FANCA: variants seen among roughly 807,000 people sequenced by gnomAD.
FANCA encodes the protein FA complementation group A, also known as Fanconi anemia group A protein.
Under a neutral mutation model 194.3 loss-of-function variants are expected in FANCA, and 236 were observed. That is an observed-to-expected ratio of 1.21 (90% CI 1.09 to 1.35). The LOEUF (loss-of-function observed/expected upper bound fraction) is 1.35. Among genes scored for constraint, FANCA ranks in the 40% most tolerant of loss-of-function variants. The pLI is 0.00. For synonymous variants in FANCA, 1,014 were observed against 715.8 expected, an observed-to-expected ratio of 1.42 and a Z score of -6.65; for missense variants, 2,628 against 1,813.9, an observed-to-expected ratio of 1.45 and a Z score of -8.15.
chr16:89,771,722 G>A lies in FANCA; in HGVS notation c.2107C>T (p.Gln703Ter), dbSNP rs1555548512. ...DDSSVEISKIQLSINTPRLEP... is the reference protein window; with the variant it reads ...DDSSVEISKI Reference sequence around the variant, plus strand: ...AGTCTCGGCGTGTTGATGCTGAGCTGAATCTTTGATATCTCAACGCTGCTG... The same window carrying A: ...AGTCTCGGCGTGTTGATGCTGAGCTAAATCTTTGATATCTCAACGCTGCTG... Residue 703 changes from glutamine (Q) to a stop codon, truncating the protein, a stop_gained, in exon 23 of 43, where the codon CAG becomes TAG. Coordinates refer to ENST00000389301, the MANE Select transcript of FANCA (RefSeq NM_000135.4). LOFTEE classifies it high-confidence loss of function. The A allele has an allele frequency of 6.2e-7, 1 of 1,614,152 alleles. No individual in the cohort carries two copies. Among genetic ancestry groups the A allele is most frequent in the East Asian group, 2.2e-5 (1 of 44,886 alleles).
At chr16:89,778,532 GCAAGA>G (rs2039591502) in intron 20 of FANCA, 2 of 419,078 alleles carry the variant, frequency 4.8e-6, no homozygotes, top group Non-Finnish European at 8.5e-6. Flanking sequence ...GGAGGCTGAA[GCAAGA>G]GAATCGCTTG....
In FANCA at chr16:89,748,648, G is replaced by C. The variant is rs367624518; in HGVS notation, c.3348+11C>G. On this transcript the variant is annotated intron_variant, in intron 33 of 42. Transcript: ENST00000389301. ...ACAGATCGGACGGACACGTGCACAC[G>C]GGGCACCTACCATCTCAGAGTTGAC... The C allele has an allele frequency of 6.2e-7, 1 of 1,605,394 alleles. No homozygotes were observed.
chr16:89,779,417 C>G (rs2039626264), intron 18 of FANCA, among the ~76,000 whole-genome samples: 1 of 152,048 alleles, frequency 6.6e-6, no homozygotes, highest in Non-Finnish European at 1.5e-5. Flanking sequence ...CTATTCAGCT[C>G]TCTGTTACTG....
chr16:89,780,072 A>C, intron 17 of FANCA, 115 bp from the exon 18 acceptor site: 4 of 946,804 alleles, frequency 4.2e-6, no homozygotes, highest in Non-Finnish European at 6.8e-6. Flanking sequence ...GTACACATTA[A>C]AGGTAAAGGC....
chr16:89,794,044 C>T (rs962012626), intron 11 of FANCA, among the ~76,000 whole-genome samples: 5 of 151,984 alleles, frequency 3.3e-5, no homozygotes, highest in Non-Finnish European at 7.4e-5. Flanking sequence ...GCCACTGCTC[C>T]TGGCCAAAAA....
chr16:89,759,160 A>G (rs1021363823), intron 29 of FANCA, among the ~76,000 whole-genome samples: 1 of 151,462 alleles, frequency 6.6e-6, no homozygotes, highest in African/African-American at 2.4e-5. Context: ...CTCTACTCAA[A>G]ATACAAAAAA....
Position 89,773,289 on chromosome 16 carries a change from C to T in FANCA, c.1996G>A (p.Asp666Asn). ...TCCTCACCATCACGCTGGCTGGGGT[C>T]TGTCATGGAGGCTCTCAGCTCTCCC... is the stretch of plus-strand genomic sequence containing the variant. ...ALGELRASMT[D>N]PSQRDVISAQ... is the part of the protein sequence containing the mutation. Residue 666 changes from aspartate to asparagine, a missense_variant, in exon 22 of 43, where the codon GAC (aspartate) becomes AAC (asparagine). Transcript: ENST00000389301. 6.4e-7 allele frequency: 1 copy of T among 1,551,176 alleles called. No individual in the cohort carries two copies. The highest frequency in any genetic ancestry group is 8.7e-7 in the Non-Finnish European group (1 of 1,146,870).
intron 35 of FANCA, among the ~76,000 whole-genome samples, 155 bp from the exon 36 acceptor site, chr16:89,745,226 A>G (rs56152375): frequency 1.7e-4 from 26 of 152,236 alleles, no homozygotes; most frequent in African/African-American, 4.1e-4. Flanking sequence ...TTTTACGTCA[A>G]TTAAGGCTCA....
At chr16:89,812,208 G>A (rs189564986) in intron 3 of FANCA, among the ~76,000 whole-genome samples, 3 of 151,782 alleles carry the variant, frequency 2.0e-5, no homozygotes, top group South Asian at 2.1e-4. Flanking sequence ...GTTTGGTGAC[G>A]GGAGCCTGTA....
chr16:89,807,756 G>T (rs1016706915), intron 6 of FANCA, among the ~76,000 whole-genome samples: 2 of 152,100 alleles, frequency 1.3e-5, no homozygotes, highest in East Asian at 1.9e-4. Flanking sequence ...GGTGGCGGAC[G>T]CCTGTAGTCC....
intron 22 of FANCA, 149 bp from the exon 23 acceptor site, chr16:89,771,963 T>A (rs1253541102): frequency 2.3e-5 from 22 of 953,134 alleles, no homozygotes; most frequent in Non-Finnish European, 6.5e-6. Flanking sequence ...ACACCAGTGT[T>A]TGTTCGCCCC....
chr16:89,777,080 C>G (rs376291372), intron 20 of FANCA, among the ~76,000 whole-genome samples: 1 of 151,954 alleles, frequency 6.6e-6, no homozygotes, highest in African/African-American at 2.4e-5. Context: ...TGTGGTGGAG[C>G]GCGCCTCTAG....
chr16:89,815,218 G>C (rs2041057576), intron 2 of FANCA, among the ~76,000 whole-genome samples: 1 of 151,288 alleles, frequency 6.6e-6, no homozygotes, highest in Admixed American at 6.6e-5. Context: ...TGTATTTTAA[G>C]TAGTGACGGG....
rs1367874692 is a variant in FANCA, at chr16:89,770,189, G to T, written c.2293C>A (p.Leu765Ile). The T allele has an allele frequency of 1.3e-6, 2 of 1,592,834 alleles. No homozygotes were observed. The highest frequency in any genetic ancestry group is 8.5e-7 in the Non-Finnish European group (1 of 1,170,280). The change falls in exon 25 of 43, where the codon CTC (leucine) becomes ATC (isoleucine). Residue 765 changes from leucine to isoleucine, a missense_variant. By Grantham distance (5) the Leu-to-Ile change is conservative (BLOSUM62 2). Coordinates refer to ENST00000389301, the MANE Select transcript of FANCA (RefSeq NM_000135.4). The part of the protein sequence containing the change: ...GRVLPAVLTR[L>I]CQLLRHQGPS... ...ACCTGGTGACGGAGCAGCTGGCAGA[G>T]CCGGGTGAGCACTGCAGGGAGCACA...
intron 14 of FANCA, among the ~76,000 whole-genome samples, chr16:89,789,834 C>G (rs1454942179): frequency 6.6e-6 from 1 of 152,154 alleles, no homozygotes; most frequent in Non-Finnish European, 1.5e-5. Flanking sequence ...AAGCTGATAT[C>G]TCAAATACAC....
At chr16:89,799,874 G>C (rs1424471221) in intron 8 of FANCA, among the ~76,000 whole-genome samples, 2 of 152,216 alleles carry the variant, frequency 1.3e-5, no homozygotes, top group African/African-American at 4.8e-5. Flanking sequence ...ACGCCCTGTA[G>C]TCTCAGCTAC....
chr16:89,814,419 C>G, intron 3 of FANCA, 101 bp downstream of exon 3: 1 of 890,946 alleles, frequency 1.1e-6, no homozygotes. Flanking sequence ...GGAAACCCAT[C>G]GCCTGAGAAA....
Position 89,784,968 on chromosome 16 carries a change from T to C in FANCA, c.1360-4A>G, listed in dbSNP as rs746911316. ...CTCGTGTGCTCCCAAAGGAGGCCTG[T>C]GTGGAGAGAAGAGCGTGAAGCCCAG... On this transcript the variant is annotated splice_region_variant and splice_polypyrimidine_tract_variant and intron_variant, in intron 14 of 42. Transcript: ENST00000389301. 3.7e-6 allele frequency: 6 copies of C among 1,609,198 alleles called. No individual in the cohort carries two copies. In the Admixed American group the frequency reaches 6.7e-5, roughly 18 times the overall value.
At chr16:89,761,854 G>T in intron 29 of FANCA, 95 bp downstream of exon 29, 2 of 996,258 alleles carry the variant, frequency 2.0e-6, no homozygotes, top group Non-Finnish European at 3.2e-6. Flanking sequence ...TCAAACTCCT[G>T]GATTCAAGAG....
Sources: gnomAD v4.1 joint callset for allele counts (sites outside exome capture counted in the v4.1 genomes callset) on GRCh38, gnomAD v4.1.1 for gene constraint, MANE v1.5 for transcripts, NCBI Gene and HGNC (gene_info 2026-07-23, HGNC 2026-07-21) for gene names.